The following COPG2 variants were observed in gnomAD, a reference collection of about 807,000 sequenced individuals.
The protein encoded by COPG2 is coat protein complex I subunit gamma 2, also known as coatomer subunit gamma-2.
In COPG2, 37 loss-of-function variants were observed where a neutral mutation model predicts 46.3. That is an observed-to-expected ratio of 0.80 (90% CI 0.61 to 1.05). The LOEUF (loss-of-function observed/expected upper bound fraction) is 1.05. COPG2 is among the 50% of genes least tolerant of loss of function. COPG2 has a pLI of 0.00. For missense variants in COPG2, 427 were observed against 387.8 expected (o/e 1.10, Z -0.85); for synonymous variants, 159 against 129.7 (o/e 1.23, Z -1.53).
At chr7:130,629,375 T>C (rs1294000376) in intron 5 of COPG2, among the ~76,000 whole-genome samples, 1 of 150,976 alleles carries the variant, frequency 6.6e-6, no homozygotes, top group Non-Finnish European at 1.5e-5. Context: ...TCCTTTCTCC[T>C]TCTGGAATTT....
At chr7:130,607,547 T>C (rs1794758508) in intron 9 of COPG2, 3 of 424,706 alleles carry the variant, frequency 7.1e-6, no homozygotes, top group South Asian at 5.2e-5. Flanking sequence ...CCATAGTGAG[T>C]TGCAGCTGAA....
intron 3 of COPG2, among the ~76,000 whole-genome samples, chr7:130,663,487 G>A (rs1241563245): frequency 1.3e-5 from 2 of 151,990 alleles, no homozygotes; most frequent in Non-Finnish European, 2.9e-5. Context: ...TATCTATTCA[G>A]AATCTCAGCA....
At chr7:130,649,813 A>G (rs1795701540) in intron 5 of COPG2, among the ~76,000 whole-genome samples, 1 of 152,188 alleles carries the variant, frequency 6.6e-6, no homozygotes, top group Admixed American at 6.5e-5. Context: ...AGCTACTTCC[A>G]CATTTTTAGG....
intron 9 of COPG2, among the ~76,000 whole-genome samples, chr7:130,600,300 AC>A (rs1301103472): frequency 6.6e-6 from 1 of 152,122 alleles, no homozygotes; most frequent in African/African-American, 2.4e-5. Context: ...AGACGCTGTC[AC>A]CCAGGCTGGA....
intron 5 of COPG2, among the ~76,000 whole-genome samples, chr7:130,646,986 T>TATATATATGC (rs1795616876): frequency 0.16 from 133 of 848 alleles, 2 homozygotes; most frequent in African/African-American, 0.23. Context: ...TATATATGTA[T>TATATATATGC]ATATATATAT....
intron 19 of COPG2, 139 bp downstream of exon 19, chr7:130,548,264 C>T (rs1318807023): frequency 2.5e-6 from 1 of 396,162 alleles, no homozygotes; most frequent in African/African-American, 2.1e-5. Context: ...CTCTATAGCT[C>T]TGGTGTTAAG....
intron 9 of COPG2, among the ~76,000 whole-genome samples, chr7:130,602,514 C>T (rs373887082): frequency 3.0e-4 from 46 of 152,074 alleles, no homozygotes; most frequent in African/African-American, 9.2e-4. Flanking sequence ...ACTCTGTTGC[C>T]CAGGTTGGAG....
At chr7:130,569,310 T>TAC (rs1230223765) in intron 9 of COPG2, among the ~76,000 whole-genome samples, 25 of 152,010 alleles carry the variant, frequency 1.6e-4, no homozygotes, top group African/African-American at 6.0e-4. Context: ...GACAGACCAT[T>TAC]ACCAAGACTA....
At chr7:130,601,455 CA>C (rs1794629968) in intron 9 of COPG2, among the ~76,000 whole-genome samples, 2 of 152,198 alleles carry the variant, frequency 1.3e-5, no homozygotes, top group African/African-American at 4.8e-5. Flanking sequence ...TAATGTGGCA[CA>C]TATACACCAT....
At position 130,508,543 on chromosome 7, in the gene COPG2, C is replaced by G; in HGVS notation, c.2247+19G>C. 1 of 763,232 alleles carries G rather than the reference C, an allele frequency of 1.3e-6. No individual in the cohort carries two copies. The highest frequency in any genetic ancestry group is 2.4e-5 in the East Asian group (1 of 40,910). The allele number at this position is 763,232 out of a possible 1,614,324, so 47.3% of individuals were successfully genotyped here. ...GTTGTGAAGGTGTCAAAGAAAGTCT[C>G]TATGCTGGGAAGACTCACCACATAC... On this transcript the variant is annotated intron_variant, in intron 21 of 23. Coordinates refer to ENST00000425248, the MANE Select transcript of COPG2 (RefSeq NM_012133.6).
At position 130,534,542 on chromosome 7, in the gene COPG2, T is replaced by C. The variant is rs1435567619; in HGVS notation, c.2149+13132A>G. Among the ~76,000 whole-genome samples the C allele has an allele frequency of 2.0e-5, 3 of 152,074 alleles. No homozygotes were observed. The South Asian group carries it at 6.2e-4, about 32-fold the overall frequency. On this transcript the variant is annotated intron_variant, in intron 20 of 23. Coordinates refer to ENST00000425248, the MANE Select transcript of COPG2 (RefSeq NM_012133.6). ...AGGCTTCATACCTAGTGGAGCATCA[T>C]AGGATTAGTGGGAAAAGTAGGTCGG...
At chr7:130,564,193 G>A (rs1477297186) in intron 10 of COPG2, 67 bp downstream of exon 10, 2 of 398,272 alleles carry the variant, frequency 5.0e-6, no homozygotes, top group Non-Finnish European at 8.9e-6. Context: ...TACCTATTCT[G>A]TAGACCTATG....
In COPG2 at chr7:130,574,324, T is replaced by A. The variant is rs375997457; in HGVS notation, c.738-9931A>T. On this transcript the variant is annotated intron_variant, in intron 9 of 23. Coordinates refer to ENST00000425248, the MANE Select transcript of COPG2 (RefSeq NM_012133.6). ...ATGCCTGTAATCCCAGCACTTTGGA[T>A]GGCTGAGGCAGGTGGATCACCTGAG... Among the ~76,000 whole-genome samples the A allele has an allele frequency of 2.0e-3, 308 of 152,242 alleles. 2 individuals are homozygous for A. The highest frequency in any genetic ancestry group is 6.7e-3 in the African/African-American group (279 of 41,560).
intron 20 of COPG2, among the ~76,000 whole-genome samples, chr7:130,530,320 G>C (rs1367581975): frequency 6.6e-6 from 1 of 152,054 alleles, no homozygotes; most frequent in Non-Finnish European, 1.5e-5. Flanking sequence ...AAATGAGGAA[G>C]AGAAGGAAGT....
chr7:130,665,835 C>CAA (rs199850330), intron 3 of COPG2, among the ~76,000 whole-genome samples: 17 of 74,328 alleles, frequency 2.3e-4, no homozygotes, highest in African/African-American at 8.2e-4. Flanking sequence ...AAGTCTGGGG[C>CAA]AAAAAAAAAA....
rs1794365634 is a variant in COPG2, at chr7:130,590,146, T to TA, written c.737+20806dup. On this transcript the variant is annotated intron_variant, in intron 9 of 23. Transcript: ENST00000425248. ...CATCTATAACCTATTTTTATGAATG[T>TA]AAGAGTCCAAATTTCTCTACTTCTT... Among the ~76,000 whole-genome samples, 3 of 152,152 alleles carry TA rather than the reference T, an allele frequency of 2.0e-5. No individual in the cohort carries two copies. In the South Asian group the frequency reaches 6.2e-4, roughly 32 times the overall value.
chr7:130,567,248 G>A (rs1383086028), intron 9 of COPG2, among the ~76,000 whole-genome samples: 2 of 152,182 alleles, frequency 1.3e-5, no homozygotes, highest in Non-Finnish European at 2.9e-5. Context: ...ACTTGAGGGT[G>A]TAGGGTGGGA....
chr7:130,606,683 C>T (rs538908009), intron 9 of COPG2, among the ~76,000 whole-genome samples: 13 of 152,316 alleles, frequency 8.5e-5, no homozygotes, highest in East Asian at 3.9e-4. Flanking sequence ...ATTTCACCTA[C>T]GGAGAGCAAC....
At chr7:130,629,324 G>A (rs1795179793) in intron 5 of COPG2, among the ~76,000 whole-genome samples, 1 of 151,166 alleles carries the variant, frequency 6.6e-6, no homozygotes, top group Non-Finnish European at 1.5e-5. Flanking sequence ...AATTAATTTT[G>A]GGGAAAAAAA....
Sources: gnomAD v4.1 joint callset for allele counts (sites outside exome capture counted in the v4.1 genomes callset) on GRCh38, gnomAD v4.1.1 for gene constraint, MANE v1.5 for transcripts, NCBI Gene and HGNC (gene_info 2026-07-23, HGNC 2026-07-21) for gene names.